The following ACTR3B variants were observed in gnomAD, a reference collection of about 807,000 sequenced individuals.
The protein encoded by ACTR3B is actin related protein 3B, also known as actin-related protein 3B.
Under a neutral mutation model 59.0 loss-of-function variants are expected in ACTR3B, and 8 were observed. That is an observed-to-expected ratio of 0.14 (90% CI 0.08 to 0.24). The LOEUF is 0.24. Ranked by LOEUF, ACTR3B falls within the 10% of genes least tolerant of loss-of-function variation. The pLI, the probability that ACTR3B is intolerant of heterozygous loss-of-function variation, is 1.00. For synonymous variants in ACTR3B, 148 were observed against 197.9 expected (o/e 0.75, Z 2.12); for missense variants, 245 against 552.3 (o/e 0.44, Z 5.58).
chr7:152,764,818 G>A (rs1399491715), intron 1 of ACTR3B, among the ~76,000 whole-genome samples: 1 of 152,150 alleles, frequency 6.6e-6, no homozygotes, highest in Non-Finnish European at 1.5e-5. Flanking sequence ...CCAGTAATGT[G>A]TGAGGATGCC....
intron 2 of ACTR3B, among the ~76,000 whole-genome samples, chr7:152,795,736 CTT>C (rs1049531712): frequency 2.6e-5 from 4 of 152,114 alleles, no homozygotes; most frequent in African/African-American, 4.8e-5. Flanking sequence ...CAGTATTAAT[CTT>C]TTGTCTGGCC....
chr7:152,796,880 T>TTTTTTTTTG (rs2098218855), intron 2 of ACTR3B, among the ~76,000 whole-genome samples: 1 of 73,720 alleles, frequency 1.4e-5, no homozygotes, highest in Non-Finnish European at 2.7e-5. Flanking sequence ...TTTTTTTTTT[T>TTTTTTTTTG]TTTTTTTTTT....
chr7:152,763,798 G>GTCTCCATT (rs1208464371), intron 1 of ACTR3B, among the ~76,000 whole-genome samples: 3 of 152,090 alleles, frequency 2.0e-5, no homozygotes, highest in Non-Finnish European at 4.4e-5. Context: ...CTATTATTCT[G>GTCTCCATT]TCTCCATTTA....
At chr7:152,847,788 T>G (rs1350288893) in intron 9 of ACTR3B, among the ~76,000 whole-genome samples, 1 of 151,992 alleles carries the variant, frequency 6.6e-6, no homozygotes, top group African/African-American at 2.4e-5. Flanking sequence ...GGCCAGTGGG[T>G]TTTCCGAAGA....
At chr7:152,853,687 T>A in intron 11 of ACTR3B, 110 bp downstream of exon 11, 1 of 888,166 alleles carries the variant, frequency 1.1e-6, no homozygotes, top group Non-Finnish European at 1.8e-6. Context: ...CGTGTGGCTC[T>A]AAACAGACCA....
chr7:152,797,867 T>A (rs1265114105), intron 2 of ACTR3B, among the ~76,000 whole-genome samples: 1 of 146,200 alleles, frequency 6.8e-6, no homozygotes. Context: ...CAGAATTTCC[T>A]TTTTTTTTTA....
intron 9 of ACTR3B, among the ~76,000 whole-genome samples, chr7:152,837,139 G>A (rs1797525223): frequency 6.6e-6 from 1 of 152,206 alleles, no homozygotes; most frequent in Admixed American, 6.5e-5. Context: ...TTGTACCACT[G>A]CAGTCCCGCC....
intron 9 of ACTR3B, among the ~76,000 whole-genome samples, chr7:152,832,831 C>T (rs979651137): frequency 2.0e-5 from 3 of 152,186 alleles, no homozygotes; most frequent in African/African-American, 7.2e-5. Context: ...TTGAGACCTT[C>T]AGCTGACTGG....
chr7:152,816,093 C>T (rs1056355529), intron 5 of ACTR3B, among the ~76,000 whole-genome samples: 1 of 152,132 alleles, frequency 6.6e-6, no homozygotes, highest in African/African-American at 2.4e-5. Flanking sequence ...AGTACACGTG[C>T]GTGTCACCAC....
intron 1 of ACTR3B, among the ~76,000 whole-genome samples, 158 bp from the exon 2 acceptor site, chr7:152,783,029 C>T (rs2098159687): frequency 7.4e-6 from 1 of 135,790 alleles, no homozygotes; most frequent in Non-Finnish European, 1.6e-5. Context: ...GTGTTTGATT[C>T]TCAGTGATCA....
intron 10 of ACTR3B, among the ~76,000 whole-genome samples, chr7:152,852,957 A>G (rs1344676059): frequency 1.3e-5 from 2 of 151,852 alleles, no homozygotes; most frequent in Non-Finnish European, 1.5e-5. Context: ...AAGCCCGGCT[A>G]ATTTTTTGTA....
intron 2 of ACTR3B, among the ~76,000 whole-genome samples, chr7:152,798,132 T>G (rs1425873503): frequency 6.6e-6 from 1 of 152,190 alleles, no homozygotes; most frequent in Non-Finnish European, 1.5e-5. Flanking sequence ...ATAATGGCTC[T>G]ACTGATTTGC....
At chr7:152,815,940 T>G (rs1426713584) in intron 5 of ACTR3B, among the ~76,000 whole-genome samples, 1 of 152,198 alleles carries the variant, frequency 6.6e-6, no homozygotes, top group African/African-American at 2.4e-5. Context: ...TTAGTTTTTT[T>G]TTTTTCTTTC....
chr7:152,844,258 A>G (rs1798093025), intron 9 of ACTR3B, among the ~76,000 whole-genome samples: 1 of 152,016 alleles, frequency 6.6e-6, no homozygotes, highest in African/African-American at 2.4e-5. Flanking sequence ...GGGTTTCACC[A>G]TGTTGGCCAG....
At chr7:152,790,708 G>T (rs1437100178) in intron 2 of ACTR3B, among the ~76,000 whole-genome samples, 2 of 152,008 alleles carry the variant, frequency 1.3e-5, no homozygotes, top group Non-Finnish European at 2.9e-5. Flanking sequence ...GGAACAGTTT[G>T]CATAAGATAG....
intron 1 of ACTR3B, 146 bp downstream of exon 1, chr7:152,760,072 T>G: frequency 1.6e-6 from 1 of 637,364 alleles, no homozygotes; most frequent in Non-Finnish European, 2.2e-6. Flanking sequence ...CGGCCGCCGC[T>G]TCCCTCCAAG....
At chr7:152,790,876 C>T (rs558942870) in intron 2 of ACTR3B, among the ~76,000 whole-genome samples, 1 of 152,230 alleles carries the variant, frequency 6.6e-6, no homozygotes, top group Non-Finnish European at 1.5e-5. Context: ...TCTCGATAAC[C>T]TTCCTTAGAT....
intron 4 of ACTR3B, among the ~76,000 whole-genome samples, chr7:152,809,399 T>G (rs1205922678): frequency 6.6e-6 from 1 of 152,100 alleles, no homozygotes; most frequent in African/African-American, 2.4e-5. Flanking sequence ...CTGGAAGATT[T>G]CTAGGGAGCG....
At chr7:152,781,514 A>T (rs2116606002) in intron 1 of ACTR3B, among the ~76,000 whole-genome samples, 1 of 152,258 alleles carries the variant, frequency 6.6e-6, no homozygotes, top group Middle Eastern at 3.4e-3. Flanking sequence ...CTCATAGTCT[A>T]ACAGTGTGGG....
Sources: allele counts gnomAD v4.1 joint callset (sites outside exome capture counted in the v4.1 genomes callset), GRCh38; gene constraint gnomAD v4.1.1; transcripts MANE v1.5; gene names NCBI Gene and HGNC (gene_info 2026-07-23, HGNC 2026-07-21).